The following MICAL3 variants were observed in gnomAD, a reference collection of about 807,000 sequenced individuals.
MICAL3 encodes the protein [F-actin]-monooxygenase MICAL3.
A neutral mutation model predicts 207.4 loss-of-function variants in MICAL3; 62 were observed. That is an observed-to-expected ratio of 0.30 (90% CI 0.24 to 0.37). The LOEUF is 0.37. Ranked by LOEUF, MICAL3 falls within the 10% of genes least tolerant of loss-of-function variation. The pLI is 1.00. For missense variants in MICAL3, 2,368 were observed against 2,635.6 expected (o/e 0.90, Z 2.22); for synonymous variants, 1,077 against 1,069.3 (o/e 1.01, Z -0.14).
rs1166451989 is a variant in MICAL3, at chr22:17,977,483, C to A, written c.-75+46798G>T. Reference sequence around the variant, plus strand: ...AACATCGGCAACCATTAGGGAAATGCAAATCAAACCCTCAAATGAGGTATC... The same window carrying A: ...AACATCGGCAACCATTAGGGAAATGAAAATCAAACCCTCAAATGAGGTATC... On this transcript the variant is annotated intron_variant, in intron 1 of 31. Transcript: ENST00000441493. Among the ~76,000 whole-genome samples, 6 of 150,966 alleles carry A rather than the reference C, an allele frequency of 4.0e-5. 1 individual carries two copies. Among genetic ancestry groups the A allele is most frequent in the Non-Finnish European group, 7.4e-5 (5 of 67,870 alleles).
intron 17 of MICAL3, 46 bp from the exon 18 acceptor site, chr22:17,866,058 G>C: frequency 2.1e-6 from 3 of 1,402,872 alleles, no homozygotes; most frequent in Non-Finnish European, 3.0e-6. Flanking sequence ...GCCAGGCACG[G>C]ATCCTGAACG....
chr22:17,870,831 G>A (rs764566555), intron 17 of MICAL3, among the ~76,000 whole-genome samples: 4 of 152,206 alleles, frequency 2.6e-5, no homozygotes, highest in Non-Finnish European at 5.9e-5. Flanking sequence ...CAGGCACCAT[G>A]ACAGGAGTCA....
At chr22:17,864,529 C>A (rs1345350501) in intron 19 of MICAL3, 1 of 1,435,890 alleles carries the variant, frequency 7.0e-7, no homozygotes, top group African/African-American at 1.4e-5. Flanking sequence ...GTGATGGGAG[C>A]AGTGTCTGAG....
chr22:17,823,192 C>T (rs1921830971), intron 22 of MICAL3, 132 bp from the exon 23 acceptor site: 1 of 662,160 alleles, frequency 1.5e-6, no homozygotes. Context: ...GAGATGCTGC[C>T]AGGCCCAGGG....
intron 29 of MICAL3, among the ~76,000 whole-genome samples, chr22:17,794,903 C>T (rs530542613): frequency 9.2e-5 from 14 of 152,254 alleles, no homozygotes; most frequent in East Asian, 5.8e-4. Flanking sequence ...CAGGAAGACA[C>T]GGGGCCTCGG....
At chr22:17,886,268 T>C (rs759341069) in intron 15 of MICAL3, among the ~76,000 whole-genome samples, 4 of 152,230 alleles carry the variant, frequency 2.6e-5, no homozygotes, top group Non-Finnish European at 5.9e-5. Flanking sequence ...AGGAAGCCAC[T>C]GCCCTCGAAC....
At chr22:17,823,822 C>A (rs1354244266) in intron 22 of MICAL3, among the ~76,000 whole-genome samples, 1 of 152,180 alleles carries the variant, frequency 6.6e-6, no homozygotes, top group African/African-American at 2.4e-5. Context: ...AACACTCAGC[C>A]TGCAACATAA....
chr22:17,926,010 A>G (rs2146306735), intron 1 of MICAL3, among the ~76,000 whole-genome samples: 1 of 152,384 alleles, frequency 6.6e-6, no homozygotes, highest in African/African-American at 2.4e-5. Flanking sequence ...TGGAAAACAT[A>G]AACGCACAGG....
intron 3 of MICAL3, among the ~76,000 whole-genome samples, 179 bp downstream of exon 3, chr22:17,904,453 C>T (rs1876680283): frequency 6.6e-6 from 1 of 152,208 alleles, no homozygotes; most frequent in Non-Finnish European, 1.5e-5. Context: ...AATTATAGAA[C>T]CACCACATAG....
chr22:17,849,094 T>C (rs1924947770), intron 19 of MICAL3, among the ~76,000 whole-genome samples: 1 of 152,208 alleles, frequency 6.6e-6, no homozygotes, highest in African/African-American at 2.4e-5. Context: ...TGATATGAGG[T>C]ATTTCTTGCT....
intron 6 of MICAL3, 103 bp from the exon 7 acceptor site, chr22:17,899,651 G>A: frequency 4.1e-6 from 3 of 730,984 alleles, no homozygotes; most frequent in Non-Finnish European, 7.2e-6. Context: ...AAGGGCCTGA[G>A]GCTCCAGGCA....
chr22:18,000,574 G>T (rs1281933272), intron 1 of MICAL3, among the ~76,000 whole-genome samples: 2 of 152,238 alleles, frequency 1.3e-5, no homozygotes, highest in African/African-American at 4.8e-5. Context: ...GCTGCGGCTG[G>T]CTTTCTGCTA....
chr22:17,933,882 A>T (rs1046289777), intron 1 of MICAL3, among the ~76,000 whole-genome samples: 4 of 152,268 alleles, frequency 2.6e-5, no homozygotes, highest in African/African-American at 9.6e-5. Flanking sequence ...GAAGAAATGG[A>T]TAAATTCCTG....
chr22:17,789,973 T>C lies in MICAL3; in HGVS notation c.*759A>G, dbSNP rs1381134457. 2.0e-5 allele frequency: 3 copies of C among 152,184 alleles called. No individual in the cohort carries two copies. The highest frequency in any genetic ancestry group is 4.4e-5 in the Non-Finnish European group (3 of 68,044). 9.4% of individuals were successfully genotyped at this position (152,184 alleles called of 1,614,324 possible). On this transcript the variant is annotated 3_prime_UTR_variant, in exon 32 of 32. Coordinates refer to ENST00000441493, the MANE Select transcript of MICAL3 (RefSeq NM_015241.3). ...ACAGGGACAATGCCTGTCTGCCAACTGGGGGCTTAGAATGTAGGGCCTCAT... is the reference window on the plus strand; with the variant it reads ...ACAGGGACAATGCCTGTCTGCCAACCGGGGGCTTAGAATGTAGGGCCTCAT...
chr22:17,842,678 C>T (rs1478875877), intron 19 of MICAL3, among the ~76,000 whole-genome samples: 1 of 152,276 alleles, frequency 6.6e-6, no homozygotes, highest in Non-Finnish European at 1.5e-5. Flanking sequence ...CTCTGCGATG[C>T]ACAGGCACAC....
intron 1 of MICAL3, among the ~76,000 whole-genome samples, chr22:18,014,822 T>C (rs1231665965): frequency 2.6e-5 from 4 of 151,964 alleles, no homozygotes; most frequent in African/African-American, 9.7e-5. Context: ...TGAAACCCCA[T>C]CTCTACTAAA....
chr22:17,886,461 G>GT (rs1256256592), intron 15 of MICAL3, among the ~76,000 whole-genome samples: 5 of 152,176 alleles, frequency 3.3e-5, no homozygotes, highest in Non-Finnish European at 4.4e-5. Context: ...GAGGCCAGGA[G>GT]TTTGAGACCA....
At position 17,970,229 on chromosome 22, in the gene MICAL3, G is replaced by A. The variant is rs61451998; in HGVS notation, c.-75+54052C>T. Among the ~76,000 whole-genome samples the A allele has an allele frequency of 6.4e-3, 974 of 152,306 alleles. 47 individuals are homozygous for A. In the East Asian group the frequency reaches 0.15, roughly 23 times the overall value. ...GATGGCTTCCCCTCCACTGTCCCCCGCCCATGTTGTTGAATGGGATTTGAG... is the reference window on the plus strand; with the variant it reads ...GATGGCTTCCCCTCCACTGTCCCCCACCCATGTTGTTGAATGGGATTTGAG... On this transcript the variant is annotated intron_variant, in intron 1 of 31. Coordinates refer to ENST00000441493, the MANE Select transcript of MICAL3 (RefSeq NM_015241.3).
rs186263098 is a variant in MICAL3, at chr22:17,955,603, T to G, written c.-74-48717A>C. On this transcript the variant is annotated intron_variant, in intron 1 of 31. Coordinates refer to ENST00000441493, the MANE Select transcript of MICAL3 (RefSeq NM_015241.3). ...GAGATGCCTACACTCACTCACACAC[T>G]TATTCCCACCTTCCAACATCCCATA... Among the ~76,000 whole-genome samples, 34 of 152,328 alleles carry G rather than the reference T, an allele frequency of 2.2e-4. No homozygotes were observed. In the East Asian group the frequency reaches 4.8e-3, roughly 22 times the overall value.
Sources: allele counts gnomAD v4.1 joint callset (sites outside exome capture counted in the v4.1 genomes callset), GRCh38; gene constraint gnomAD v4.1.1; transcripts MANE v1.5; gene names NCBI Gene and HGNC (gene_info 2026-07-23, HGNC 2026-07-21).